Variants in CACNA1D observed in about 807,000 individuals in gnomAD.
CACNA1D encodes calcium voltage-gated channel subunit alpha1 D.
Under a neutral mutation model 257.1 loss-of-function variants are expected in CACNA1D, and 55 were observed. The observed-to-expected ratio is 0.21, with a 90% CI of 0.17 to 0.27. The LOEUF is 0.27. Among genes scored for constraint, CACNA1D ranks in the 10% least tolerant of loss-of-function variants. The probability of loss-of-function intolerance (pLI) is 1.00; values close to 1 mark genes in which losing one functional copy is unlikely to be tolerated. For synonymous variants in CACNA1D, 980 were observed against 1,014.9 expected (o/e 0.97, Z 0.65); for missense variants, 1,876 against 2,784.0 (o/e 0.67, Z 7.34).
At chr3:53,796,810 T>G (rs1264565636) in intron 40 of CACNA1D, among the ~76,000 whole-genome samples, 1 of 152,224 alleles carries the variant, frequency 6.6e-6, no homozygotes, top group East Asian at 1.9e-4. Flanking sequence ...AAACTAGGCT[T>G]GATTCTGTTT....
intron 29 of CACNA1D, among the ~76,000 whole-genome samples, chr3:53,761,745 AGTGTGT>A (rs111473773): frequency 2.7e-5 from 4 of 150,080 alleles, no homozygotes; most frequent in Non-Finnish European, 5.9e-5. Context: ...CAGGACCGTG[AGTGTGT>A]GTGTGTGTGT....
intron 45 of CACNA1D, 162 bp from the exon 46 acceptor site, chr3:53,808,487 C>T: frequency 1.3e-6 from 1 of 752,494 alleles, no homozygotes; most frequent in East Asian, 2.6e-5. Flanking sequence ...TCATCCTCTC[C>T]TACTAAAGTT....
chr3:53,617,148 C>T (rs367633251), intron 3 of CACNA1D, among the ~76,000 whole-genome samples: 7 of 152,146 alleles, frequency 4.6e-5, no homozygotes, highest in African/African-American at 1.4e-4. Flanking sequence ...CCATTCATAG[C>T]GGCTGTTGTC....
intron 3 of CACNA1D, among the ~76,000 whole-genome samples, chr3:53,592,613 C>T (rs774940707): frequency 6.6e-6 from 1 of 152,114 alleles, no homozygotes; most frequent in Non-Finnish European, 1.5e-5. Flanking sequence ...AGGAGGGACA[C>T]TTGCCTAATT....
intron 3 of CACNA1D, among the ~76,000 whole-genome samples, chr3:53,518,104 G>T (rs1037142849): frequency 6.6e-6 from 1 of 152,216 alleles, no homozygotes; most frequent in African/African-American, 2.4e-5. Flanking sequence ...GGTCTTGCCT[G>T]CTTTCTCTGC....
chr3:53,745,561 A>T, intron 23 of CACNA1D, 63 bp from the exon 24 acceptor site: 1 of 1,015,750 alleles, frequency 9.8e-7, no homozygotes, highest in Non-Finnish European at 1.6e-6. Flanking sequence ...CTGTCGGCTG[A>T]TGTTAGCTCA....
At chr3:53,635,532 G>C (rs1023334510) in intron 3 of CACNA1D, among the ~76,000 whole-genome samples, 14 of 152,252 alleles carry the variant, frequency 9.2e-5, no homozygotes, top group South Asian at 2.1e-4. Flanking sequence ...TCTCTGTCCA[G>C]CTCCCAGGTG....
In CACNA1D at chr3:53,626,829, C is replaced by G. The variant is rs76765615; in HGVS notation, c.484-23950C>G. ...GTGCCTTGTTGGATCTCCCTCTCCC[C>G]TTCCTAGATGACCTCTTGGGCAGAC... On this transcript the variant is annotated intron_variant, in intron 3 of 47. Coordinates refer to ENST00000350061, the MANE Select transcript of CACNA1D (RefSeq NM_001128840.3). 6.3e-3 allele frequency among the ~76,000 whole-genome samples: 963 copies of G among 152,290 alleles called. 7 individuals carry two copies. Among genetic ancestry groups the G allele is most frequent in the Non-Finnish European group, 0.011 (765 of 68,026 alleles).
chr3:53,599,051 A>G (rs1005593538), intron 3 of CACNA1D, among the ~76,000 whole-genome samples: 2 of 152,128 alleles, frequency 1.3e-5, no homozygotes, highest in Middle Eastern at 3.2e-3. Context: ...GTTCCTGATG[A>G]AAAGGGTGTG....
rs114581045 is a variant in CACNA1D at position 53,595,693 on chromosome 3, C to T, written c.484-55086C>T. On this transcript the variant is annotated intron_variant, in intron 3 of 47. Transcript: ENST00000350061. ...CTACTGACACCTGCCTGACCTAACTCGGTTTGTCTAGAATGCAGTTGAAGT... is the reference window on the plus strand; with the variant it reads ...CTACTGACACCTGCCTGACCTAACTTGGTTTGTCTAGAATGCAGTTGAAGT... Among the ~76,000 whole-genome samples, 14 of 152,216 alleles carry T rather than the reference C, an allele frequency of 9.2e-5. No homozygotes were observed. The East Asian group carries it at 1.9e-3, about 21-fold the overall frequency.
rs1206690365 is a variant in CACNA1D at position 53,753,572 on chromosome 3, C to T, written c.3676C>T (p.His1226Tyr). The change falls in exon 29 of 48, where the codon CAC becomes TAC. Residue 1226 changes from histidine to tyrosine, a missense_variant and splice_region_variant. This residue lies in a region of CACNA1D where 204 missense variants were observed against 309.4 expected (regional missense o/e 0.66). Coordinates refer to ENST00000350061, the MANE Select transcript of CACNA1D (RefSeq NM_001128840.3). ...ACGGTCCCTCTGTCTTCATCCATAG[C>T]ACTACGAGCAGTCCAAGATGTTCAA... is the stretch of plus-strand genomic sequence containing the variant. The part of the protein sequence containing the change: ...MLNTLCLAMQ[H>Y]YEQSKMFNDA... 6.3e-7 allele frequency: 1 copy of T among 1,585,894 alleles called. No homozygotes were observed. Among genetic ancestry groups the T allele is most frequent in the Non-Finnish European group, 8.7e-7 (1 of 1,154,166 alleles).
chr3:53,701,272 A>G (rs2680663), intron 8 of CACNA1D, among the ~76,000 whole-genome samples: 61,258 of 151,868 alleles, frequency 0.4, 13,722 homozygotes, highest in African/African-American at 0.61. Flanking sequence ...CTCCTGAGTA[A>G]CTGGGACTGC....
intron 4 of CACNA1D, among the ~76,000 whole-genome samples, chr3:53,657,681 G>A (rs1045033499): frequency 2.6e-5 from 4 of 152,074 alleles, no homozygotes; most frequent in African/African-American, 7.2e-5. Context: ...CAGAAGAAAG[G>A]TTTTAAAAAA....
chr3:53,643,064 A>G (rs2093979470), intron 3 of CACNA1D, among the ~76,000 whole-genome samples: 1 of 152,186 alleles, frequency 6.6e-6, no homozygotes, highest in South Asian at 2.1e-4. Context: ...AGGAGGGGTA[A>G]ATGTCTCAAA....
intron 8 of CACNA1D, among the ~76,000 whole-genome samples, chr3:53,694,532 CTG>C (rs1456661111): frequency 3.3e-5 from 5 of 152,292 alleles, no homozygotes; most frequent in Admixed American, 6.5e-5. Flanking sequence ...GTTCTGTTGA[CTG>C]GGCATATGAT....
chr3:53,631,811 G>A (rs767978439), intron 3 of CACNA1D, among the ~76,000 whole-genome samples: 93 of 152,228 alleles, frequency 6.1e-4, no homozygotes, highest in Non-Finnish European at 1.3e-3. Context: ...ATCAGATCAG[G>A]TGCATTGTTA....
intron 3 of CACNA1D, among the ~76,000 whole-genome samples, chr3:53,533,585 G>C (rs1392965412): frequency 6.6e-6 from 1 of 152,182 alleles, no homozygotes; most frequent in East Asian, 1.9e-4. Context: ...CTTGTAGGCA[G>C]ACCTGGGATT....
intron 3 of CACNA1D, among the ~76,000 whole-genome samples, chr3:53,524,888 T>C (rs188058814): frequency 2.0e-5 from 3 of 152,176 alleles, no homozygotes; most frequent in Non-Finnish European, 4.4e-5. Flanking sequence ...GATTTTCAAA[T>C]CTTCTGAGAA....
chr3:53,625,148 A>G (rs183398686), intron 3 of CACNA1D, among the ~76,000 whole-genome samples: 30 of 152,268 alleles, frequency 2.0e-4, no homozygotes, highest in African/African-American at 6.7e-4. Context: ...TAGGGCATCT[A>G]TGAGGCAAAG....
Sources: allele counts gnomAD v4.1 joint callset (sites outside exome capture counted in the v4.1 genomes callset), GRCh38; gene constraint gnomAD v4.1.1; regional missense constraint gnomAD v4.1.1; transcripts MANE v1.5; gene names NCBI Gene and HGNC (gene_info 2026-07-23, HGNC 2026-07-21).